TENM3: variants seen among roughly 807,000 people sequenced by gnomAD.
TENM3 encodes the protein teneurin-3.
A neutral mutation model predicts 255.1 loss-of-function variants in TENM3; 63 were observed. That is an observed-to-expected ratio of 0.25 (90% CI 0.20 to 0.30). TENM3 has a LOEUF of 0.30. Ranked by LOEUF, TENM3 falls within the 10% of genes least tolerant of loss-of-function variation. The pLI is 1.00. For missense variants in TENM3, 2,929 were observed against 3,461.1 expected, an observed-to-expected ratio of 0.85 and a Z score of 3.86; for synonymous variants, 1,306 against 1,322.3, an observed-to-expected ratio of 0.99 and a Z score of 0.27.
the TENM3 span, among the ~76,000 whole-genome samples, chr4:181,704,445 G>A: frequency 6.6e-6 from 1 of 152,274 alleles, no homozygotes; most frequent in South Asian, 2.1e-4. Flanking sequence ...TGTATGTGAA[G>A]ACCTTTATCC....
At chr4:182,593,791 A>G (rs1303121487) in intron 3 of TENM3, among the ~76,000 whole-genome samples, 2 of 152,136 alleles carry the variant, frequency 1.3e-5, no homozygotes, top group Admixed American at 6.5e-5. Context: ...ATGCAGACAT[A>G]TACTCACACC....
At chr4:181,919,940 G>A in the TENM3 span, among the ~76,000 whole-genome samples, 6 of 133,326 alleles carry the variant, frequency 4.5e-5, no homozygotes, top group African/African-American at 1.7e-4. Context: ...GTGTCCATGT[G>A]TTCTCATTGT....
intron 3 of TENM3, among the ~76,000 whole-genome samples, chr4:182,557,995 AAGAG>A (rs925341416): frequency 6.6e-6 from 1 of 152,166 alleles, no homozygotes; most frequent in Non-Finnish European, 1.5e-5. Flanking sequence ...GAGTATTAGA[AAGAG>A]AGAGAACTTG....
At chr4:181,553,268 TGTGTG>T in the TENM3 span, among the ~76,000 whole-genome samples, 4 of 120,096 alleles carry the variant, frequency 3.3e-5, no homozygotes, top group Non-Finnish European at 7.4e-5. Flanking sequence ...TAAGTGTGTG[TGTGTG>T]TGTGTGTGTG....
chr4:182,365,771 C>T (rs745878484), intron 3 of TENM3, among the ~76,000 whole-genome samples: 5 of 152,148 alleles, frequency 3.3e-5, no homozygotes, highest in East Asian at 1.9e-4. Flanking sequence ...AGAAATGCAT[C>T]GTTGGACAAT....
intron 6 of TENM3, among the ~76,000 whole-genome samples, chr4:182,656,461 A>G (rs1194972795): frequency 2.6e-5 from 4 of 152,100 alleles, no homozygotes; most frequent in African/African-American, 7.2e-5. Context: ...CGGGAACTCT[A>G]TTTACAAGGA....
At chr4:182,004,152 A>G in the TENM3 span, among the ~76,000 whole-genome samples, 1 of 152,164 alleles carries the variant, frequency 6.6e-6, no homozygotes, top group Non-Finnish European at 1.5e-5. Flanking sequence ...GGCTTATTAC[A>G]TAGGTATACA....
intron 3 of TENM3, among the ~76,000 whole-genome samples, chr4:182,352,260 A>G (rs1196447979): frequency 6.6e-6 from 1 of 152,084 alleles, no homozygotes; most frequent in African/African-American, 2.4e-5. Context: ...ATTTTTCTCC[A>G]AAACCCCACA....
chr4:181,605,833 T>G, the TENM3 span, among the ~76,000 whole-genome samples: 1 of 152,202 alleles, frequency 6.6e-6, no homozygotes, highest in African/African-American at 2.4e-5. Flanking sequence ...AATCTTTTGA[T>G]AGTATTGGGC....
chr4:182,489,853 T>C (rs59976675), intron 3 of TENM3, among the ~76,000 whole-genome samples: 23 of 53,272 alleles, frequency 4.3e-4, no homozygotes, highest in Middle Eastern at 9.3e-3. Flanking sequence ...CTCCTTCCTT[T>C]TCTTCCCTTC....
intron 13 of TENM3, among the ~76,000 whole-genome samples, chr4:182,723,581 A>G (rs756531814): frequency 2.8e-4 from 43 of 152,228 alleles, no homozygotes; most frequent in Non-Finnish European, 5.0e-4. Context: ...AGTATTGACA[A>G]GCAGCATAAA....
chr4:181,588,410 G>T, the TENM3 span, among the ~76,000 whole-genome samples: 1 of 152,152 alleles, frequency 6.6e-6, no homozygotes, highest in African/African-American at 2.4e-5. Flanking sequence ...ATCTCTGGCT[G>T]GAGAAAAGAT....
chr4:181,767,204 AAGG>A, the TENM3 span, among the ~76,000 whole-genome samples: 1 of 145,204 alleles, frequency 6.9e-6, no homozygotes, highest in Non-Finnish European at 1.5e-5. Flanking sequence ...GTGAGCCGAG[AAGG>A]TGCCACTGCG....
At chr4:181,641,552 G>GTACATATATATATATA in the TENM3 span, among the ~76,000 whole-genome samples, 1 of 21,694 alleles carries the variant, frequency 4.6e-5, no homozygotes, top group Non-Finnish European at 8.6e-5. Context: ...CATGGTGTGT[G>GTACATATATATATATA]TGTATATATA....
the TENM3 span, among the ~76,000 whole-genome samples, chr4:181,638,507 TG>T: frequency 6.6e-6 from 1 of 152,358 alleles, no homozygotes; most frequent in Middle Eastern, 3.4e-3. Flanking sequence ...ATGTTCCATC[TG>T]CAGAACAAAT....
the TENM3 span, among the ~76,000 whole-genome samples, chr4:181,554,087 G>A: frequency 6.6e-6 from 1 of 152,312 alleles, no homozygotes; most frequent in African/African-American, 2.4e-5. Context: ...GGGCTAGCAG[G>A]AGGAGGAAGA....
intron 12 of TENM3, among the ~76,000 whole-genome samples, chr4:182,695,791 C>A (rs540823975): frequency 1.3e-5 from 2 of 152,312 alleles, no homozygotes; most frequent in African/African-American, 4.8e-5. Context: ...CTAATTAAAA[C>A]AGAAGTTTTC....
At chr4:182,738,803 G>A (rs576934712) in intron 18 of TENM3, among the ~76,000 whole-genome samples, 296 of 152,268 alleles carry the variant, frequency 1.9e-3, no homozygotes, top group South Asian at 4.6e-3. Context: ...GAATGTGAAA[G>A]ACTGACTTTG....
At chr4:182,727,091 TG>T (rs1178970924) in intron 13 of TENM3, among the ~76,000 whole-genome samples, 1 of 152,038 alleles carries the variant, frequency 6.6e-6, no homozygotes, top group Non-Finnish European at 1.5e-5. Context: ...CTCCTAAGAG[TG>T]ATTAAAGTCT....
Sources: gnomAD v4.1 joint callset for allele counts (sites outside exome capture counted in the v4.1 genomes callset) on GRCh38, gnomAD v4.1.1 for gene constraint, MANE v1.5 for transcripts, NCBI Gene and HGNC (gene_info 2026-07-23, HGNC 2026-07-21) for gene names.